Variants in AAK1 observed in about 807,000 individuals in gnomAD.
The protein encoded by AAK1 is AP2 associated kinase 1.
AAK1 carries 37 observed loss-of-function variants against 116.0 expected under a neutral mutation model. That is an observed-to-expected ratio of 0.32 (90% CI 0.25 to 0.42). AAK1 has a LOEUF of 0.42. Ranked by LOEUF, AAK1 falls within the 10% of genes least tolerant of loss-of-function variation. The pLI is 1.00. For synonymous variants in AAK1, 458 were observed against 439.9 expected (o/e 1.04, Z -0.51); for missense variants, 919 against 1,170.6 (o/e 0.79, Z 3.14).
intron 5 of AAK1, among the ~76,000 whole-genome samples, chr2:69,541,379 C>T (rs1352299602): frequency 2.6e-5 from 4 of 151,698 alleles, no homozygotes; most frequent in Admixed American, 1.3e-4. Flanking sequence ...TATAGGCATG[C>T]GCTACTACAC....
At chr2:69,630,065 G>A (rs77395223) in intron 2 of AAK1, among the ~76,000 whole-genome samples, 33 of 152,232 alleles carry the variant, frequency 2.2e-4, no homozygotes, top group African/African-American at 7.9e-4. Context: ...GTACAAAGAT[G>A]GTGAGGAGGG....
At chr2:69,594,980 T>C (rs1432354863) in intron 2 of AAK1, 1 of 805,348 alleles carries the variant, frequency 1.2e-6, no homozygotes, top group Admixed American at 1.7e-5. Context: ...TCCTTGCCCT[T>C]TTTACTGTGT....
intron 11 of AAK1, among the ~76,000 whole-genome samples, chr2:69,519,692 C>G (rs1314639924): frequency 6.6e-6 from 1 of 152,180 alleles, no homozygotes; most frequent in Admixed American, 6.5e-5. Flanking sequence ...AAAGCAGCTT[C>G]CTGGTAGGGT....
chr2:69,494,355 C>T (rs764530755), intron 17 of AAK1, among the ~76,000 whole-genome samples: 14 of 152,144 alleles, frequency 9.2e-5, no homozygotes, highest in Non-Finnish European at 1.6e-4. Context: ...TTTCCTGAGC[C>T]ACCTGGGGCA....
intron 2 of AAK1, among the ~76,000 whole-genome samples, chr2:69,568,479 G>A (rs115606015): frequency 9.5e-5 from 14 of 146,686 alleles, no homozygotes; most frequent in Non-Finnish European, 1.5e-4. Context: ...TACCCAAACT[G>A]GAGTGCAGTG....
At chr2:69,609,027 A>G (rs1328031657) in intron 2 of AAK1, among the ~76,000 whole-genome samples, 1 of 152,238 alleles carries the variant, frequency 6.6e-6, no homozygotes, top group African/African-American at 2.4e-5. Flanking sequence ...TGTTGTTAGG[A>G]TGTCAATACT....
intron 21 of AAK1, among the ~76,000 whole-genome samples, chr2:69,476,298 AT>A (rs1373310544): frequency 6.6e-6 from 1 of 152,174 alleles, no homozygotes; most frequent in African/African-American, 2.4e-5. Context: ...TCCTGATAAT[AT>A]CAAGCCATCT....
At chr2:69,490,594 C>T (rs538244146) in intron 17 of AAK1, among the ~76,000 whole-genome samples, 11 of 151,732 alleles carry the variant, frequency 7.2e-5, no homozygotes, top group South Asian at 2.1e-4. Flanking sequence ...CACTTACATT[C>T]GGTTCCTAGA....
chr2:69,587,376 C>CAT (rs1491547996), intron 2 of AAK1, among the ~76,000 whole-genome samples: 2 of 99,572 alleles, frequency 2.0e-5, no homozygotes, highest in East Asian at 9.9e-4. Context: ...TGTACACACA[C>CAT]ATATATACAC....
At chr2:69,513,616 G>T (rs1343680252) in intron 13 of AAK1, among the ~76,000 whole-genome samples, 3 of 152,292 alleles carry the variant, frequency 2.0e-5, no homozygotes, top group East Asian at 1.9e-4. Flanking sequence ...AGGCCACTGT[G>T]CCCAGCAGAA....
intron 2 of AAK1, among the ~76,000 whole-genome samples, chr2:69,620,641 T>G (rs1419249216): frequency 6.6e-6 from 1 of 152,194 alleles, no homozygotes; most frequent in African/African-American, 2.4e-5. Context: ...TTTGACCCTC[T>G]TTACTTCCAA....
At position 69,465,306 on chromosome 2, in the gene AAK1, G is replaced by T. The variant is rs1008453658; in HGVS notation, c.*10563C>A. 2 of 947,702 alleles carry T rather than the reference G, an allele frequency of 2.1e-6. No homozygotes were observed. Among genetic ancestry groups the T allele is most frequent in the East Asian group, 6.4e-5 (1 of 15,698 alleles). The allele number at this position is 947,702 out of a possible 1,614,324, so 58.7% of individuals were successfully genotyped here. A position where few individuals can be genotyped will look rare whatever the true frequency, so the allele number is the denominator to read the frequency against. ...TTGACTCAAGAAATTCTGCTCTGACGCAGGGAATTGAAATATAAGAACTGA... is the reference window on the plus strand; with the variant it reads ...TTGACTCAAGAAATTCTGCTCTGACTCAGGGAATTGAAATATAAGAACTGA... On this transcript the variant is annotated 3_prime_UTR_variant, in exon 22 of 22. Transcript: ENST00000409085.
At chr2:69,522,751 C>T (rs937237560) in intron 10 of AAK1, among the ~76,000 whole-genome samples, 3 of 151,724 alleles carry the variant, frequency 2.0e-5, no homozygotes, top group East Asian at 1.9e-4. Context: ...TTGCAGTGAG[C>T]CAAGATCACG....
chr2:69,482,459 T>G, intron 18 of AAK1: 1 of 608,764 alleles, frequency 1.6e-6, no homozygotes. Flanking sequence ...ATGTGAAACT[T>G]TCCACATTCC....
chr2:69,616,391 C>T (rs1000673676), intron 2 of AAK1, among the ~76,000 whole-genome samples: 9 of 152,030 alleles, frequency 5.9e-5, no homozygotes, highest in South Asian at 2.1e-4. Flanking sequence ...AAAAAAAGAA[C>T]GAAAAGAAAA....
At position 69,465,440 on chromosome 2, in the gene AAK1, T is replaced by C. The variant is rs1574182481; in HGVS notation, c.*10429A>G. Reference sequence around the variant, plus strand: ...GGTTTTGCTCCTAGGGTTTCTTGCCTGATTTTGAAGGGAAGGGTGCTAGAG... The same window carrying C: ...GGTTTTGCTCCTAGGGTTTCTTGCCCGATTTTGAAGGGAAGGGTGCTAGAG... On this transcript the variant is annotated 3_prime_UTR_variant, in exon 22 of 22. Coordinates refer to ENST00000409085, the MANE Select transcript of AAK1 (RefSeq NM_014911.5). The C allele has an allele frequency of 7.8e-7, 1 of 1,288,228 alleles. No homozygotes were observed. The highest frequency in any genetic ancestry group is 1.5e-5 in the African/African-American group (1 of 65,792). 79.8% of individuals were successfully genotyped at this position (1,288,228 alleles called of 1,614,324 possible).
intron 2 of AAK1, among the ~76,000 whole-genome samples, chr2:69,606,702 C>T (rs892111682): frequency 6.6e-6 from 1 of 152,182 alleles, no homozygotes; most frequent in East Asian, 1.9e-4. Context: ...AAAACTGACA[C>T]AAATATCTGC....
At chr2:69,556,229 G>A (rs902757294) in intron 3 of AAK1, among the ~76,000 whole-genome samples, 2 of 152,010 alleles carry the variant, frequency 1.3e-5, no homozygotes, top group Admixed American at 6.5e-5. Context: ...GAAAGTCCCC[G>A]TATACCCATT....
intron 6 of AAK1, chr2:69,531,593 C>T: frequency 4.0e-6 from 4 of 987,964 alleles, no homozygotes; most frequent in Non-Finnish European, 4.8e-6. Flanking sequence ...CTTTAATAAC[C>T]TACTCACCAT....
Sources: gnomAD v4.1 joint callset for allele counts (sites outside exome capture counted in the v4.1 genomes callset) on GRCh38, gnomAD v4.1.1 for gene constraint, MANE v1.5 for transcripts, NCBI Gene and HGNC (gene_info 2026-07-23, HGNC 2026-07-21) for gene names.